The following QTGAL variants were observed in gnomAD, a reference collection of about 807,000 sequenced individuals.
The protein encoded by QTGAL is queuosine-tRNA galactosyltransferase, also known as BGnT-like protein 1.
the QTGAL span, chr17:83,005,244 A>G: frequency 5.8e-6 from 9 of 1,556,062 alleles, no homozygotes; most frequent in Non-Finnish European, 7.1e-6. This position sits in a 1 kb window ranked among gnomAD's most constrained non-coding sequence, Gnocchi z 5.6. Context: ...AGCTCAAAAC[A>G]AAGTCAGGTA....
the QTGAL span, among the ~76,000 whole-genome samples, chr17:83,033,692 C>T: frequency 1.3e-5 from 2 of 151,934 alleles, no homozygotes; most frequent in African/African-American, 4.8e-5. Flanking sequence ...AGGATGGTCT[C>T]AATCTCCTGA....
At chr17:83,022,613 G>C in the QTGAL span, among the ~76,000 whole-genome samples, 4 of 6,050 alleles carry the variant, frequency 6.6e-4, no homozygotes, top group African/African-American at 2.5e-3. Context: ...ACTGTCCCCG[G>C]CCCACCTGCA....
the QTGAL span, among the ~76,000 whole-genome samples, chr17:83,034,453 A>G: frequency 6.6e-6 from 1 of 152,234 alleles, no homozygotes; most frequent in African/African-American, 2.4e-5. Flanking sequence ...TTAATTTTTA[A>G]GGTTGTCTAA....
At chr17:82,966,171 C>G in the QTGAL span, among the ~76,000 whole-genome samples, 3 of 151,676 alleles carry the variant, frequency 2.0e-5, no homozygotes, top group Admixed American at 2.0e-4. Flanking sequence ...CCCACCTGAA[C>G]CTCCCAAGCA....
the QTGAL span, among the ~76,000 whole-genome samples, chr17:82,996,851 G>A: frequency 1.3e-5 from 2 of 152,148 alleles, no homozygotes; most frequent in East Asian, 3.8e-4. Flanking sequence ...ATATGCAAAA[G>A]AATGAAATTA....
the QTGAL span, chr17:83,048,744 G>A: frequency 5.8e-3 from 9,307 of 1,614,050 alleles, 472 homozygotes; most frequent in African/African-American, 0.11. Flanking sequence ...TCAAACATTC[G>A]TCCAGCCACG....
the QTGAL span, chr17:82,961,119 G>A: frequency 3.1e-5 from 50 of 1,609,004 alleles, no homozygotes; most frequent in African/African-American, 2.4e-4. Flanking sequence ...TCTGGTCCAC[G>A]CGGATGACGC....
the QTGAL span, among the ~76,000 whole-genome samples, chr17:82,986,927 C>T: frequency 6.6e-6 from 1 of 152,190 alleles, no homozygotes; most frequent in African/African-American, 2.4e-5. Flanking sequence ...AGGTGTGCAG[C>T]TGGCTGCCCC....
the QTGAL span, among the ~76,000 whole-genome samples, chr17:83,037,339 A>C: frequency 6.6e-6 from 1 of 152,208 alleles, no homozygotes; most frequent in Admixed American, 6.5e-5. The surrounding 1 kb of genome is among the most constrained non-coding windows in gnomAD (Gnocchi z 5.2). Flanking sequence ...CGAGACGCAC[A>C]GAGTCTCCCA....
chr17:82,956,387 G>A, the QTGAL span, among the ~76,000 whole-genome samples: 3 of 152,178 alleles, frequency 2.0e-5, no homozygotes, highest in Admixed American at 6.5e-5. This position sits in a 1 kb window ranked among gnomAD's most constrained non-coding sequence, Gnocchi z 5.7. Context: ...GCAGGGCCTC[G>A]TGCTTTGCAA....
the QTGAL span, among the ~76,000 whole-genome samples, chr17:82,983,044 G>C: frequency 6.6e-6 from 1 of 152,180 alleles, no homozygotes; most frequent in South Asian, 2.1e-4. Context: ...ACTTCGGGAG[G>C]CCGAGGCAGA....
At chr17:82,964,572 G>T in the QTGAL span, among the ~76,000 whole-genome samples, 1 of 144,804 alleles carries the variant, frequency 6.9e-6, no homozygotes, top group Non-Finnish European at 1.5e-5. Context: ...GGACACGGAC[G>T]CCTGCAGGTG....
chr17:82,985,511 C>A, the QTGAL span, among the ~76,000 whole-genome samples: 1 of 152,204 alleles, frequency 6.6e-6, no homozygotes, highest in Non-Finnish European at 1.5e-5. Flanking sequence ...TGTTACCCCT[C>A]GATTCGGAAC....
chr17:82,954,797 C>A, the QTGAL span, among the ~76,000 whole-genome samples: 1 of 152,084 alleles, frequency 6.6e-6, no homozygotes, highest in Non-Finnish European at 1.5e-5. Context: ...TAGATCAATG[C>A]AACAGAACAG....
At chr17:83,037,573 G>A in the QTGAL span, among the ~76,000 whole-genome samples, 4 of 152,212 alleles carry the variant, frequency 2.6e-5, no homozygotes, top group Admixed American at 2.0e-4. The surrounding 1 kb of genome is among the most constrained non-coding windows in gnomAD (Gnocchi z 5.2). Flanking sequence ...CTCCAGGGCC[G>A]CTGCAGCCAA....
the QTGAL span, among the ~76,000 whole-genome samples, chr17:83,037,044 G>A: frequency 2.6e-5 from 4 of 152,254 alleles, no homozygotes; most frequent in South Asian, 4.1e-4. The surrounding 1 kb of genome is among the most constrained non-coding windows in gnomAD (Gnocchi z 5.2). Flanking sequence ...TGGCAACACC[G>A]GACAGTTACA....
At chr17:83,004,738 T>A in the QTGAL span, among the ~76,000 whole-genome samples, 1 of 126,976 alleles carries the variant, frequency 7.9e-6, no homozygotes, top group Non-Finnish European at 1.7e-5. Context: ...CGTGTGGGAT[T>A]CCTGAGCCCG....
the QTGAL span, among the ~76,000 whole-genome samples, chr17:82,983,679 C>A: frequency 6.6e-6 from 1 of 152,230 alleles, no homozygotes; most frequent in Non-Finnish European, 1.5e-5. Context: ...ACAGCAGATG[C>A]TCCGTGGGGG....
chr17:83,045,877 C>T, the QTGAL span, among the ~76,000 whole-genome samples: 3 of 151,440 alleles, frequency 2.0e-5, no homozygotes, highest in Non-Finnish European at 2.9e-5. Flanking sequence ...TCCAATGGTA[C>T]GATCTCGGCT....
Sources: gnomAD v4.1 joint callset for allele counts (sites outside exome capture counted in the v4.1 genomes callset) on GRCh38, gnomAD v4.1.1 for gene constraint, Gnocchi (gnomAD v3.1) non-coding constraint, MANE v1.5 for transcripts, NCBI Gene and HGNC (gene_info 2026-07-23, HGNC 2026-07-21) for gene names.